Variants in TMEM132D observed in about 807,000 individuals in gnomAD.
TMEM132D encodes mature OL transmembrane protein.
Under a neutral mutation model 62.3 loss-of-function variants are expected in TMEM132D, and 21 were observed. The ratio of observed to expected loss-of-function variants is 0.34; its 90% CI spans 0.24 to 0.49. The LOEUF (loss-of-function observed/expected upper bound fraction) is 0.49. TMEM132D is among the 20% of genes least tolerant of loss of function. The pLI is 0.99. For missense variants in TMEM132D, 1,346 were observed against 1,402.8 expected, an observed-to-expected ratio of 0.96 and a Z score of 0.65; for synonymous variants, 621 against 575.6, an observed-to-expected ratio of 1.08 and a Z score of -1.13.
At chr12:129,154,985 T>C (rs1877192052) in intron 5 of TMEM132D, among the ~76,000 whole-genome samples, 1 of 152,228 alleles carries the variant, frequency 6.6e-6, no homozygotes, top group African/African-American at 2.4e-5. Flanking sequence ...TCAGGAAACA[T>C]ACTGTTGACT....
intron 5 of TMEM132D, among the ~76,000 whole-genome samples, chr12:129,161,879 T>A (rs1877410146): frequency 6.6e-6 from 1 of 152,222 alleles, no homozygotes. Flanking sequence ...AGGCAGACTT[T>A]AAAATCATAT....
chr12:129,416,937 C>A (rs952761729), intron 3 of TMEM132D, among the ~76,000 whole-genome samples: 1 of 152,134 alleles, frequency 6.6e-6, no homozygotes, highest in Non-Finnish European at 1.5e-5. Context: ...CTGCTGGATT[C>A]AGTTTGCCAG....
chr12:129,816,860 C>G (rs61942087), intron 1 of TMEM132D, among the ~76,000 whole-genome samples: 1 of 152,048 alleles, frequency 6.6e-6, no homozygotes, highest in Non-Finnish European at 1.5e-5. Context: ...TCTAAAATAC[C>G]GAGATAGTTT....
intron 4 of TMEM132D, among the ~76,000 whole-genome samples, chr12:129,259,359 G>C (rs1880491940): frequency 6.6e-6 from 1 of 152,140 alleles, no homozygotes; most frequent in Non-Finnish European, 1.5e-5. Flanking sequence ...AGCAAACCTG[G>C]GAGAACTTGT....
At chr12:129,152,429 C>T (rs954826395) in intron 5 of TMEM132D, among the ~76,000 whole-genome samples, 1 of 152,228 alleles carries the variant, frequency 6.6e-6, no homozygotes, top group Non-Finnish European at 1.5e-5. Context: ...CTTGTTATCT[C>T]ACTACTGCTC....
At chr12:129,835,162 G>A (rs1244557193) in intron 1 of TMEM132D, among the ~76,000 whole-genome samples, 2 of 152,162 alleles carry the variant, frequency 1.3e-5, no homozygotes, top group African/African-American at 2.4e-5. Flanking sequence ...CAGCCCTAGT[G>A]CAAGGAGATG....
intron 3 of TMEM132D, among the ~76,000 whole-genome samples, chr12:129,341,779 T>A (rs560999099): frequency 6.9e-6 from 1 of 144,916 alleles, no homozygotes; most frequent in Non-Finnish European, 1.5e-5. Context: ...TATACACCAA[T>A]AACAGACAAA....
At chr12:129,319,830 G>A (rs1165885855) in intron 4 of TMEM132D, among the ~76,000 whole-genome samples, 1 of 152,186 alleles carries the variant, frequency 6.6e-6, no homozygotes, top group African/African-American at 2.4e-5. Flanking sequence ...TTGATGGCAT[G>A]CGAATCTCAG....
At chr12:129,149,050 A>G (rs1049760245) in intron 5 of TMEM132D, among the ~76,000 whole-genome samples, 2 of 152,168 alleles carry the variant, frequency 1.3e-5, no homozygotes, top group Non-Finnish European at 2.9e-5. Flanking sequence ...TGCAGCCATA[A>G]GAAAGAATGA....
intron 4 of TMEM132D, among the ~76,000 whole-genome samples, chr12:129,285,526 C>CAAAAAAAAAAAAAAAA (rs1555244565): frequency 0.013 from 530 of 40,886 alleles, 143 homozygotes; most frequent in East Asian, 0.065. Flanking sequence ...GACTGTGTCT[C>CAAAAAAAAAAAAAAAA]AAAAAAAAAA....
intron 2 of TMEM132D, among the ~76,000 whole-genome samples, chr12:129,608,037 T>C (rs939702256): frequency 3.3e-5 from 5 of 152,102 alleles, no homozygotes; most frequent in Non-Finnish European, 5.9e-5. Flanking sequence ...TTGATTGCTG[T>C]GGGGGAAAAA....
At chr12:129,485,396 T>C (rs1342614115) in intron 3 of TMEM132D, among the ~76,000 whole-genome samples, 1 of 151,962 alleles carries the variant, frequency 6.6e-6, no homozygotes, top group African/African-American at 2.4e-5. Flanking sequence ...CCAGGAAAAA[T>C]CACAGGCACT....
intron 1 of TMEM132D, among the ~76,000 whole-genome samples, chr12:129,837,270 G>GAATTTATTC (rs1873035147): frequency 6.6e-6 from 1 of 152,130 alleles, no homozygotes; most frequent in African/African-American, 2.4e-5. Context: ...CTCCCTAAAA[G>GAATTTATTC]AATTTATTCT....
chr12:129,799,646 C>T lies in TMEM132D; in HGVS notation c.80-98948G>A, dbSNP rs139977670. 2.8e-3 allele frequency among the ~76,000 whole-genome samples: 425 copies of T among 152,154 alleles called. 3 individuals are homozygous for T. Among genetic ancestry groups the T allele is most frequent in the South Asian group, 0.027 (129 of 4,816 alleles). On this transcript the variant is annotated intron_variant, in intron 1 of 8. Coordinates refer to ENST00000422113, the MANE Select transcript of TMEM132D (RefSeq NM_133448.3). ...TTGGCCCGTCGGTCTCTCACACTTG[C>T]GCACTTCACTTATTCTCATGATCTG... is the stretch of plus-strand genomic sequence containing the variant.
intron 5 of TMEM132D, among the ~76,000 whole-genome samples, chr12:129,104,018 C>A (rs1332927980): frequency 6.6e-6 from 1 of 152,068 alleles, no homozygotes; most frequent in African/African-American, 2.4e-5. Context: ...CAATGCCTTT[C>A]TTCACAGAAT....
intron 3 of TMEM132D, among the ~76,000 whole-genome samples, chr12:129,436,138 A>C (rs1211427010): frequency 6.6e-6 from 1 of 152,200 alleles, no homozygotes; most frequent in Non-Finnish European, 1.5e-5. Flanking sequence ...TGAGAATCTC[A>C]GCCTAAATCT....
intron 1 of TMEM132D, among the ~76,000 whole-genome samples, chr12:129,731,868 G>A (rs1382336819): frequency 6.6e-6 from 1 of 152,088 alleles, no homozygotes; most frequent in Non-Finnish European, 1.5e-5. Flanking sequence ...TTCACCGTGT[G>A]AGCCAGGATG....
intron 3 of TMEM132D, among the ~76,000 whole-genome samples, chr12:129,357,543 GAAAA>G (rs1042369836): frequency 1.5e-4 from 23 of 149,700 alleles, no homozygotes; most frequent in African/African-American, 5.7e-4. Flanking sequence ...AGGAAAGAAA[GAAAA>G]GAAAGAAAGG....
At chr12:129,400,800 C>A (rs920230578) in intron 3 of TMEM132D, among the ~76,000 whole-genome samples, 1 of 152,116 alleles carries the variant, frequency 6.6e-6, no homozygotes, top group African/African-American at 2.4e-5. Flanking sequence ...TTCAAATTAA[C>A]TATAAGTTGT....
Sources: allele counts gnomAD v4.1 joint callset (sites outside exome capture counted in the v4.1 genomes callset), GRCh38; gene constraint gnomAD v4.1.1; transcripts MANE v1.5; gene names NCBI Gene and HGNC (gene_info 2026-07-23, HGNC 2026-07-21).